PTDSS2: variants seen among roughly 807,000 people sequenced by gnomAD.
PTDSS2 encodes the protein PSS-2.
PTDSS2 carries 41 observed loss-of-function variants against 64.7 expected under a neutral mutation model. The ratio of observed to expected loss-of-function variants is 0.63; its 90% CI spans 0.49 to 0.82. The LOEUF (loss-of-function observed/expected upper bound fraction) is 0.82, where lower values mean the gene tolerates loss of function less well. PTDSS2 is among the 40% of genes least tolerant of loss of function. The pLI, the probability that PTDSS2 is intolerant of heterozygous loss-of-function variation, is 0.00. For missense variants in PTDSS2, 485 were observed against 650.0 expected (o/e 0.75, Z 2.76); for synonymous variants, 297 against 277.8 (o/e 1.07, Z -0.69).
At chr11:464,434 C>T (rs1847050558) in intron 2 of PTDSS2, among the ~76,000 whole-genome samples, 1 of 152,100 alleles carries the variant, frequency 6.6e-6, no homozygotes, top group African/African-American at 2.4e-5. Flanking sequence ...GTTCCCTGCG[C>T]TCAGAGTGCC....
At chr11:478,955 C>A in intron 3 of PTDSS2, 130 bp from the exon 4 acceptor site, 1 of 691,696 alleles carries the variant, frequency 1.4e-6, no homozygotes. Context: ...TTTATAAAGG[C>A]TCTCCCAGGG....
chr11:484,766 C>T (rs556662922), intron 4 of PTDSS2, among the ~76,000 whole-genome samples: 106 of 129,256 alleles, frequency 8.2e-4, no homozygotes, highest in Non-Finnish European at 1.0e-3. Context: ...TGTAAGTGCA[C>T]GGGTGTGTGT....
chr11:487,241 G>A, intron 5 of PTDSS2, 168 bp downstream of exon 5: 1 of 946,630 alleles, frequency 1.1e-6, no homozygotes, highest in East Asian at 2.5e-5. Context: ...GGTGGGCAGG[G>A]GGCCCCTGCT....
chr11:452,371 C>T (rs1261046135), intron 1 of PTDSS2, among the ~76,000 whole-genome samples: 1 of 152,224 alleles, frequency 6.6e-6, no homozygotes, highest in African/African-American at 2.4e-5. Flanking sequence ...TGGCAGGAGC[C>T]AGGGGGCACA....
chr11:478,158 C>T (rs369004974), intron 3 of PTDSS2, among the ~76,000 whole-genome samples: 2 of 152,062 alleles, frequency 1.3e-5, no homozygotes, highest in Non-Finnish European at 2.9e-5. Context: ...AAAATTGATC[C>T]CCTTAAATGC....
intron 4 of PTDSS2, among the ~76,000 whole-genome samples, chr11:485,966 CGT>C (rs1848354152): frequency 7.1e-5 from 9 of 126,806 alleles, no homozygotes; most frequent in Admixed American, 3.9e-4. Context: ...CACGGGCGCG[CGT>C]GTGCTCACCG....
Position 489,499 on chromosome 11 carries a change from C to T in PTDSS2, c.954C>T (p.Cys318=), listed in dbSNP as rs780399687. 11 of 1,612,856 alleles carry T rather than the reference C, an allele frequency of 6.8e-6. No individual in the cohort carries two copies. Among genetic ancestry groups the T allele is most frequent in the East Asian group, 4.5e-5 (2 of 44,872 alleles). ...GCCTGCGTCGCTGGCTGGCCGTGTG[C>T]GGCATCATCCTGGTGGTAAGGCCGG... ...ASSLRRWLAV[C]GIILVFLLAE... Residue 318 remains cysteine, a synonymous_variant, in exon 9 of 12, where the codon TGC becomes TGT. Coordinates refer to ENST00000308020, the MANE Select transcript of PTDSS2 (RefSeq NM_030783.3).
intron 4 of PTDSS2, among the ~76,000 whole-genome samples, chr11:485,182 C>T (rs866869136): frequency 1.6e-5 from 2 of 128,012 alleles, no homozygotes; most frequent in Non-Finnish European, 1.6e-5. Context: ...ACTGCGCAGG[C>T]GAGTGTAAAC....
chr11:487,394 C>T, intron 5 of PTDSS2, 26 bp from the exon 6 acceptor site: 10 of 1,611,506 alleles, frequency 6.2e-6, no homozygotes, highest in Non-Finnish European at 8.5e-6. Context: ...GCCCCAGGGT[C>T]AAGGGTCATA....
chr11:489,304 G>A, intron 8 of PTDSS2, 96 bp from the exon 9 acceptor site: 1 of 1,026,982 alleles, frequency 9.7e-7, no homozygotes, highest in Non-Finnish European at 1.5e-6. Context: ...ATGGCACAGG[G>A]CGGGGCCGGG....
In PTDSS2 at chr11:479,487, A is replaced by T; in HGVS notation, c.435+335A>T. 2.6e-6 allele frequency: 1 copy of T among 386,112 alleles called. No individual in the cohort carries two copies. Among genetic ancestry groups the T allele is most frequent in the Non-Finnish European group, 4.8e-6 (1 of 209,016 alleles). The allele number at this position is 386,112 out of a possible 1,614,324, so 23.9% of individuals were successfully genotyped here. On this transcript the variant is annotated intron_variant, in intron 4 of 11. Coordinates refer to ENST00000308020, the MANE Select transcript of PTDSS2 (RefSeq NM_030783.3). The surrounding 1 kb of genome is among the most constrained non-coding windows in gnomAD (Gnocchi z 4.2). Reference sequence around the variant, plus strand: ...TGCAGGCACAGAAGAGGGCAGGGCCAGTGGTGCAGCTGCCAGGGTGGCTTT... The same window carrying T: ...TGCAGGCACAGAAGAGGGCAGGGCCTGTGGTGCAGCTGCCAGGGTGGCTTT...
rs543725601 is a variant in PTDSS2 at position 488,475 on chromosome 11, T to TC, written c.736-53dup. ...CCCCTGTGCTCTTCCGGGGTCCTCC[T>TC]CGGGGGGCTCGTTACCCCTCACCCC... On this transcript the variant is annotated intron_variant, in intron 7 of 11. Coordinates refer to ENST00000308020, the MANE Select transcript of PTDSS2 (RefSeq NM_030783.3). 1,782 of 1,502,830 alleles carry TC rather than the reference T, an allele frequency of 1.2e-3. 8 individuals carry two copies. The highest frequency in any genetic ancestry group is 1.4e-3 in the South Asian group (126 of 88,896). The allele number at this position is 1,502,830 out of a possible 1,614,324, so 93.1% of individuals were successfully genotyped here. A position where few individuals can be genotyped will look rare whatever the true frequency, so the allele number is the denominator to read the frequency against.
At chr11:457,204 G>A (rs1179519511) in intron 1 of PTDSS2, among the ~76,000 whole-genome samples, 2 of 152,194 alleles carry the variant, frequency 1.3e-5, no homozygotes, top group Non-Finnish European at 2.9e-5. Context: ...TCATGAAATC[G>A]GCTAAGTCCA....
chr11:472,254 C>T (rs1331336372), intron 2 of PTDSS2, among the ~76,000 whole-genome samples: 1 of 152,200 alleles, frequency 6.6e-6, no homozygotes, highest in African/African-American at 2.4e-5. Flanking sequence ...ATGACCCTCC[C>T]CACGCCCCTT....
At chr11:453,171 C>G (rs1207721072) in intron 1 of PTDSS2, among the ~76,000 whole-genome samples, 1 of 152,124 alleles carries the variant, frequency 6.6e-6, no homozygotes, top group Admixed American at 6.6e-5. Flanking sequence ...GCCCTGGGAG[C>G]ACGAGGCTGA....
At chr11:459,648 C>T (rs1447756647) in intron 1 of PTDSS2, 4 of 156,060 alleles carry the variant, frequency 2.6e-5, no homozygotes, top group South Asian at 1.9e-4. Flanking sequence ...CCTGCCTCCT[C>T]CTCCCACGTC....
intron 4 of PTDSS2, among the ~76,000 whole-genome samples, chr11:485,356 G>C (rs2133831224): frequency 7.1e-6 from 1 of 141,240 alleles, no homozygotes; most frequent in South Asian, 2.3e-4. Flanking sequence ...CACTGCGCAG[G>C]CGTCTGTAAA....
intron 1 of PTDSS2, among the ~76,000 whole-genome samples, chr11:455,317 G>A (rs1387030056): frequency 1.3e-5 from 2 of 152,188 alleles, no homozygotes; most frequent in Non-Finnish European, 2.9e-5. Flanking sequence ...CACGTGGGGT[G>A]GCCGTGTGGT....
chr11:487,423 A>T lies in PTDSS2; in HGVS notation c.574A>T (p.Lys192Ter), dbSNP rs763443634. ...ETDPFHNIWD[K>*]LDGFVPAHFL... ...GGTCATACCCTGTCGCCCACAGGAC[A>T]AGTTGGATGGCTTTGTTCCCGCGCA... The change falls in exon 6 of 12, where the codon AAG becomes TAG. Residue 192 changes from lysine (K) to a stop codon, truncating the protein, a stop_gained. Transcript: ENST00000308020. LOFTEE classifies it high-confidence loss of function. 2 of 1,613,874 alleles carry T rather than the reference A, an allele frequency of 1.2e-6. No homozygotes were observed. The highest frequency in any genetic ancestry group is 1.7e-6 in the Non-Finnish European group (2 of 1,179,948).
Sources: gnomAD v4.1 joint callset for allele counts (sites outside exome capture counted in the v4.1 genomes callset) on GRCh38, gnomAD v4.1.1 for gene constraint, Gnocchi (gnomAD v3.1) non-coding constraint, MANE v1.5 for transcripts, NCBI Gene and HGNC (gene_info 2026-07-23, HGNC 2026-07-21) for gene names.